The following CPEB1 variants were observed in gnomAD, a reference collection of about 807,000 sequenced individuals.
CPEB1 encodes cytoplasmic polyadenylation element-binding protein 1.
Under a neutral mutation model 65.8 loss-of-function variants are expected in CPEB1, and 7 were observed. That is an observed-to-expected ratio of 0.11 (90% CI 0.06 to 0.20). CPEB1 has a LOEUF of 0.20. Ranked by LOEUF, CPEB1 falls within the 10% of genes least tolerant of loss-of-function variation. The pLI is 1.00. For synonymous variants in CPEB1, 262 were observed against 260.0 expected (o/e 1.01, Z -0.08); for missense variants, 551 against 712.2 (o/e 0.77, Z 2.58).
chr15:82,647,570 G>T, upstream of CPEB1: 1 of 312,416 alleles, frequency 3.2e-6, no homozygotes, highest in East Asian at 5.0e-5. Flanking sequence ...GCTCGAGGCC[G>T]CCTGGAGGCC....
chr15:82,625,301 C>CA (rs915431396), intron 3 of CPEB1, among the ~76,000 whole-genome samples: 12 of 152,222 alleles, frequency 7.9e-5, no homozygotes, highest in African/African-American at 2.9e-4. Flanking sequence ...AAACCACCCC[C>CA]ACCCCCAAGT....
intron 3 of CPEB1, among the ~76,000 whole-genome samples, chr15:82,602,013 AACAG>A (rs2043161696): frequency 6.6e-6 from 1 of 152,222 alleles, no homozygotes; most frequent in Non-Finnish European, 1.5e-5. Flanking sequence ...AATTTGACCT[AACAG>A]ACATAAACAG....
intron 3 of CPEB1, among the ~76,000 whole-genome samples, chr15:82,617,859 A>G (rs1371758997): frequency 7.1e-6 from 1 of 141,732 alleles, no homozygotes. Flanking sequence ...TCAGCCTCCC[A>G]AGTAGCTGGG....
intron 3 of CPEB1, among the ~76,000 whole-genome samples, chr15:82,575,460 GT>G (rs2040545599): frequency 6.6e-6 from 1 of 152,128 alleles, no homozygotes; most frequent in Non-Finnish European, 1.5e-5. Flanking sequence ...CATGGAGAAA[GT>G]TGATAAGCTG....
At chr15:82,611,038 C>A (rs1049831682) in intron 3 of CPEB1, among the ~76,000 whole-genome samples, 1 of 105,916 alleles carries the variant, frequency 9.4e-6, no homozygotes, top group Non-Finnish European at 2.0e-5. Context: ...CCTACAAAAA[C>A]ACCCACATCT....
chr15:82,612,534 A>G (rs1360189894), intron 3 of CPEB1, among the ~76,000 whole-genome samples: 1 of 151,434 alleles, frequency 6.6e-6, no homozygotes, highest in Non-Finnish European at 1.5e-5. Flanking sequence ...AGAAATTTGA[A>G]TAATTGTATT....
chr15:82,631,537 A>C (rs561623703), intron 1 of CPEB1, among the ~76,000 whole-genome samples: 1 of 152,330 alleles, frequency 6.6e-6, no homozygotes, highest in African/African-American at 2.4e-5. Flanking sequence ...GAATTAATGC[A>C]CATAAAGTAC....
chr15:82,546,261 C>T (rs1595987713), intron 12 of CPEB1, among the ~76,000 whole-genome samples, 180 bp downstream of exon 12: 2 of 152,320 alleles, frequency 1.3e-5, no homozygotes, highest in East Asian at 3.9e-4. Context: ...AGGCGCCTGC[C>T]ACCACGCCAG....
intron 1 of CPEB1, chr15:82,633,022 A>G (rs1399428962): frequency 6.6e-6 from 1 of 152,158 alleles, no homozygotes; most frequent in Admixed American, 6.5e-5. Flanking sequence ...TGGTTATTCT[A>G]CTATTGCCTG....
chr15:82,614,386 C>T (rs186608910), intron 3 of CPEB1, among the ~76,000 whole-genome samples: 57 of 152,254 alleles, frequency 3.7e-4, no homozygotes, highest in African/African-American at 1.3e-3. Flanking sequence ...GTGTTTTATG[C>T]AAGTTTCCAT....
At chr15:82,607,334 T>C (rs1018106713) in intron 3 of CPEB1, among the ~76,000 whole-genome samples, 15 of 152,278 alleles carry the variant, frequency 9.9e-5, no homozygotes, top group Admixed American at 2.0e-4. Context: ...ACGCCTGTAA[T>C]CCCAGCATTT....
chr15:82,600,590 T>C (rs2043020446), intron 3 of CPEB1, among the ~76,000 whole-genome samples: 1 of 152,180 alleles, frequency 6.6e-6, no homozygotes, highest in African/African-American at 2.4e-5. Context: ...GGGGACAGGA[T>C]AACAAGTTCT....
At chr15:82,586,675 G>T (rs749319548) in intron 3 of CPEB1, among the ~76,000 whole-genome samples, 8 of 152,106 alleles carry the variant, frequency 5.3e-5, no homozygotes, top group Non-Finnish European at 1.2e-4. Flanking sequence ...TGTGTTCATC[G>T]GGAAAGAATC....
chr15:82,590,823 C>G (rs1438642526), intron 3 of CPEB1, among the ~76,000 whole-genome samples: 2 of 152,146 alleles, frequency 1.3e-5, no homozygotes, highest in Non-Finnish European at 2.9e-5. Context: ...CAGCTCCACC[C>G]ATGTTCCTGC....
At chr15:82,624,119 T>G (rs1397283474) in intron 3 of CPEB1, among the ~76,000 whole-genome samples, 3 of 152,210 alleles carry the variant, frequency 2.0e-5, no homozygotes, top group Non-Finnish European at 4.4e-5. Flanking sequence ...ATCACAAGGT[T>G]GGTATTTTTG....
chr15:82,647,792 G>C (rs2047706814), upstream of CPEB1: 1 of 1,250,090 alleles, frequency 8.0e-7, no homozygotes, highest in Non-Finnish European at 1.0e-6. Flanking sequence ...CCGGCTGCGC[G>C]CGGACCGTTA....
chr15:82,628,615 A>G (rs1045656808), intron 1 of CPEB1, 59 bp from the exon 2 acceptor site: 6 of 595,052 alleles, frequency 1.0e-5, no homozygotes, highest in East Asian at 8.3e-5. Flanking sequence ...ACAGAAATGA[A>G]AAAGCAAAAA....
chr15:82,641,454 C>A (rs1471601692), intron 1 of CPEB1, among the ~76,000 whole-genome samples: 3 of 152,182 alleles, frequency 2.0e-5, no homozygotes, highest in Non-Finnish European at 4.4e-5. Flanking sequence ...GCTACTCCCA[C>A]ACTTTTATCA....
At chr15:82,545,360 G>C (rs2034993777) in intron 12 of CPEB1, among the ~76,000 whole-genome samples, 4 of 152,094 alleles carry the variant, frequency 2.6e-5, no homozygotes, top group African/African-American at 9.7e-5. Flanking sequence ...CATATTCAGA[G>C]ACTCCAAATC....
Sources: gnomAD v4.1 joint callset for allele counts (sites outside exome capture counted in the v4.1 genomes callset) on GRCh38, gnomAD v4.1.1 for gene constraint, MANE v1.5 for transcripts, NCBI Gene and HGNC (gene_info 2026-07-23, HGNC 2026-07-21) for gene names.